SPATA7: variants seen among roughly 807,000 people sequenced by gnomAD.
The protein encoded by SPATA7 is spermatogenesis associated 7.
SPATA7 carries 43 observed loss-of-function variants against 51.8 expected under a neutral mutation model. That is an observed-to-expected ratio of 0.83 (90% CI 0.65 to 1.07). The LOEUF (loss-of-function observed/expected upper bound fraction) is 1.07, where lower values mean the gene tolerates loss of function less well. SPATA7 is among the 50% of genes least tolerant of loss of function. SPATA7 has a pLI of 0.00. For missense variants in SPATA7, 683 were observed against 701.3 expected, an observed-to-expected ratio of 0.97 and a Z score of 0.30; for synonymous variants, 230 against 252.8, an observed-to-expected ratio of 0.91 and a Z score of 0.86.
At chr14:88,451,323 C>T (rs1304924786) in intron 3 of SPATA7, among the ~76,000 whole-genome samples, 1 of 151,982 alleles carries the variant, frequency 6.6e-6, no homozygotes, top group African/African-American at 2.4e-5. Flanking sequence ...GCGTCTGCCA[C>T]CACAGCTGGT....
chr14:88,429,397 C>G lies in SPATA7; in HGVS notation c.962C>G (p.Pro321Arg), dbSNP rs1403864685. ...YDAKEKIAPL[P>R]LEGHDSTWDE... ...GCCAAAGAAAAAATAGCTCCTTTACCTTTAGAAGGGCATGACTCAACATGG... is the reference window on the plus strand; with the variant it reads ...GCCAAAGAAAAAATAGCTCCTTTACGTTTAGAAGGGCATGACTCAACATGG... Residue 321 changes from proline to arginine, a missense_variant, in exon 8 of 12, where the codon CCT becomes CGT. By Grantham distance (103) the Pro-to-Arg change is moderately radical. Coordinates refer to ENST00000393545, the MANE Select transcript of SPATA7 (RefSeq NM_018418.5). 6.2e-7 allele frequency: 1 copy of G among 1,612,766 alleles called. No individual in the cohort carries two copies. Among genetic ancestry groups the G allele is most frequent in the Admixed American group, 1.7e-5 (1 of 59,958 alleles).
chr14:88,418,890 A>G (rs2076558754), intron 5 of SPATA7, among the ~76,000 whole-genome samples: 1 of 152,134 alleles, frequency 6.6e-6, no homozygotes, highest in Non-Finnish European at 1.5e-5. Flanking sequence ...GCCTAATTGT[A>G]CTGTGATTAG....
At chr14:88,411,634 C>T (rs1312544901) in intron 4 of SPATA7, among the ~76,000 whole-genome samples, 1 of 152,120 alleles carries the variant, frequency 6.6e-6, no homozygotes, top group East Asian at 1.9e-4. Context: ...AGGAGTTCCC[C>T]TACCCCTTGC....
chr14:88,441,879 A>G (rs1001302820), downstream of SPATA7, among the ~76,000 whole-genome samples: 2 of 152,040 alleles, frequency 1.3e-5, no homozygotes, highest in Admixed American at 1.3e-4. Flanking sequence ...TTTTTGATGC[A>G]TTTGCGTTTG....
chr14:88,437,066 A>AT (rs1490720412), intron 10 of SPATA7, among the ~76,000 whole-genome samples: 1 of 132,802 alleles, frequency 7.5e-6, no homozygotes, highest in Non-Finnish European at 1.6e-5. Flanking sequence ...AATTTGGAAT[A>AT]TTTTTCCTTT....
At chr14:88,427,298 T>G (rs182073440) in intron 6 of SPATA7, among the ~76,000 whole-genome samples, 2 of 152,318 alleles carry the variant, frequency 1.3e-5, no homozygotes, top group Admixed American at 1.3e-4. Flanking sequence ...AAAAAACAAA[T>G]CTTGTCAAGT....
intron 4 of SPATA7, among the ~76,000 whole-genome samples, chr14:88,460,702 C>T (rs1433059257): frequency 2.0e-5 from 3 of 152,218 alleles, no homozygotes; most frequent in African/African-American, 7.2e-5. Context: ...GCCTTCTTCT[C>T]TCAACTTGTC....
chr14:88,431,036 T>G (rs1430507129), intron 8 of SPATA7, 136 bp from the exon 9 acceptor site: 16 of 866,664 alleles, frequency 1.8e-5, no homozygotes, highest in Middle Eastern at 2.3e-4. Flanking sequence ...TATTCCAAAA[T>G]CCAAATTCTG....
exon 5 of SPATA7, chr14:88,470,296 T>C (rs1356043464): frequency 2.0e-6 from 1 of 495,912 alleles, no homozygotes; most frequent in Non-Finnish European, 3.6e-6. Context: ...GCAACCTGTT[T>C]AACCTTGCTG....
rs2077417900 is a variant in SPATA7, at chr14:88,469,367, A to G, written c.255-480A>G. The G allele has an allele frequency of 1.2e-6, 1 of 864,960 alleles. No homozygotes were observed. The highest frequency in any genetic ancestry group is 1.7e-5 in the South Asian group (1 of 57,278). The allele number at this position is 864,960 out of a possible 1,614,324, so 53.6% of individuals were successfully genotyped here. ...CGTTAACCCTCCCCAAAACACTTGT[A>G]TTCTTTATGTTAAAACAAGTCCGAA... On this transcript the variant is annotated intron_variant, in intron 4 of 4. Transcript: ENST00000556406. This position sits in a 1 kb window ranked among gnomAD's most constrained non-coding sequence, Gnocchi z 4.3.
chr14:88,396,034 T>C (rs1210536134), intron 3 of SPATA7, 122 bp from the exon 4 acceptor site: 3 of 768,984 alleles, frequency 3.9e-6, no homozygotes, highest in Non-Finnish European at 6.9e-6. Context: ...GATCTTGTGT[T>C]TTCCATCGCT....
intron 4 of SPATA7, among the ~76,000 whole-genome samples, chr14:88,408,680 T>A (rs2076260632): frequency 1.3e-5 from 2 of 148,740 alleles, no homozygotes; most frequent in African/African-American, 2.6e-5. Context: ...ATCCTTGTCT[T>A]GGGCCGGTTT....
intron 1 of SPATA7, among the ~76,000 whole-genome samples, chr14:88,388,553 A>G (rs2075647032): frequency 6.6e-6 from 1 of 152,150 alleles, no homozygotes; most frequent in Non-Finnish European, 1.5e-5. Flanking sequence ...ATTTTTATAC[A>G]AGGAAAAGTT....
chr14:88,443,683 T>C (rs1426279306), intron 3 of SPATA7, among the ~76,000 whole-genome samples: 1 of 151,168 alleles, frequency 6.6e-6, no homozygotes, highest in African/African-American at 2.4e-5. Context: ...CTTTCCTGTG[T>C]CCATGTGTTC....
rs1030112054 is a variant in SPATA7 at position 88,469,179 on chromosome 14, A to G, written c.255-668A>G. 3.8e-6 allele frequency: 5 copies of G among 1,304,780 alleles called. No homozygotes were observed. In the African/African-American group the frequency reaches 7.4e-5, roughly 19 times the overall value. 80.8% of individuals were successfully genotyped at this position (1,304,780 alleles called of 1,614,324 possible). ...TCCACTGATTAAGAGGACTGCAGAT[A>G]AAGAGCACTGGGTGCCAGTGAACCA... On this transcript the variant is annotated intron_variant, in intron 4 of 4. Transcript: ENST00000556406. The surrounding 1 kb of genome is among the most constrained non-coding windows in gnomAD (Gnocchi z 4.3).
chr14:88,469,452 A>T lies in SPATA7; in HGVS notation c.255-395A>T, dbSNP rs1368333616. 2 of 1,459,086 alleles carry T rather than the reference A, an allele frequency of 1.4e-6. No homozygotes were observed. Among genetic ancestry groups the T allele is most frequent in the Admixed American group, 3.4e-5 (2 of 59,644 alleles). The allele number at this position is 1,459,086 out of a possible 1,614,324, so 90.4% of individuals were successfully genotyped here. Reference sequence around the variant, plus strand: ...AAACATAAATGTTCCTCTCTGTTTAACACCTCCAGAGGCAGCTGTCCTCGG... The same window carrying T: ...AAACATAAATGTTCCTCTCTGTTTATCACCTCCAGAGGCAGCTGTCCTCGG... On this transcript the variant is annotated intron_variant, in intron 4 of 4. Transcript: ENST00000556406. The surrounding 1 kb of genome is among the most constrained non-coding windows in gnomAD (Gnocchi z 4.3).
chr14:88,421,207 G>T (rs1200047997), intron 5 of SPATA7, among the ~76,000 whole-genome samples: 2 of 152,058 alleles, frequency 1.3e-5, no homozygotes, highest in Non-Finnish European at 2.9e-5. Flanking sequence ...TGTTAGAGTT[G>T]GTATTAGAAG....
chr14:88,414,066 G>T (rs73321896), intron 4 of SPATA7, among the ~76,000 whole-genome samples: 5,359 of 152,058 alleles, frequency 0.035, 307 homozygotes, highest in African/African-American at 0.12. Flanking sequence ...TGGTTTCATA[G>T]ATTGGGTTTC....
At chr14:88,453,303 C>T (rs1343079497) in intron 3 of SPATA7, among the ~76,000 whole-genome samples, 5 of 152,108 alleles carry the variant, frequency 3.3e-5, no homozygotes, top group Admixed American at 2.0e-4. Flanking sequence ...TCAGGTTCCC[C>T]GTGTAGAAAG....
Sources: gnomAD v4.1 joint callset for allele counts (sites outside exome capture counted in the v4.1 genomes callset) on GRCh38, gnomAD v4.1.1 for gene constraint, Gnocchi (gnomAD v3.1) non-coding constraint, MANE v1.5 for transcripts, NCBI Gene and HGNC (gene_info 2026-07-23, HGNC 2026-07-21) for gene names.